The following FAM13B variants were observed in gnomAD, a reference collection of about 807,000 sequenced individuals.
FAM13B encodes protein FAM13B.
A neutral mutation model predicts 117.3 loss-of-function variants in FAM13B; 60 were observed. The ratio of observed to expected loss-of-function variants is 0.51; its 90% CI spans 0.42 to 0.63. The LOEUF (loss-of-function observed/expected upper bound fraction) is 0.63, where lower values mean the gene tolerates loss of function less well. Among genes scored for constraint, FAM13B ranks in the 30% least tolerant of loss-of-function variants. The pLI, the probability that FAM13B is intolerant of heterozygous loss-of-function variation, is 0.00. For synonymous variants in FAM13B, 332 were observed against 356.1 expected (o/e 0.93, Z 0.76); for missense variants, 972 against 1,091.9 (o/e 0.89, Z 1.55).
rs1366725188 is a variant in FAM13B at position 137,939,621 on chromosome 5, G to T, written c.*604C>A. ...TCTTCATCCGGGAGCTGTGTGACCA[G>T]CGAATTGCAAAATTTTACTAACATA... On this transcript the variant is annotated 3_prime_UTR_variant, in exon 24 of 24. Coordinates refer to ENST00000689681, the MANE Select transcript of FAM13B (RefSeq NM_001385994.1). The T allele has an allele frequency of 1.2e-5, 2 of 165,130 alleles. No homozygotes were observed. The highest frequency in any genetic ancestry group is 2.6e-5 in the Non-Finnish European group (2 of 76,498). 10.2% of individuals were successfully genotyped at this position (165,130 alleles called of 1,614,324 possible).
intron 1 of FAM13B, among the ~76,000 whole-genome samples, chr5:138,043,748 CT>C (rs1047308486): frequency 1.3e-5 from 2 of 150,112 alleles, no homozygotes; most frequent in Non-Finnish European, 3.0e-5. Flanking sequence ...TCTTTTTTTT[CT>C]TTTTTTAACA....
intron 4 of FAM13B, among the ~76,000 whole-genome samples, chr5:138,012,706 G>A (rs1489229877): frequency 2.6e-5 from 4 of 152,074 alleles, no homozygotes; most frequent in African/African-American, 9.7e-5. Flanking sequence ...AGGTCCTCTC[G>A]AAATGAAGTG....
chr5:138,030,763 G>A (rs1309538420), intron 1 of FAM13B, among the ~76,000 whole-genome samples: 7 of 146,720 alleles, frequency 4.8e-5, no homozygotes, highest in African/African-American at 1.3e-4. Context: ...AGGTGGCAAG[G>A]TGGCTCACAC....
rs779740126 is a variant in FAM13B at position 138,025,304 on chromosome 5, TATATATG to T, written c.-202-4114_-202-4108del. On this transcript the variant is annotated intron_variant, in intron 1 of 23. Transcript: ENST00000689681. ...AAACAAAGCCATATATATATATATA[TATATATG>T]TATTTTTTTTTTTTTTTTTTTTGAG... 1.5e-4 allele frequency among the ~76,000 whole-genome samples: 19 copies of T among 124,662 alleles called. 2 individuals are homozygous for T. Among genetic ancestry groups the T allele is most frequent in the South Asian group, 5.7e-4 (2 of 3,498 alleles). The allele number at this position is 124,662 out of a possible 152,430, so 81.8% of individuals were successfully genotyped here.
chr5:137,949,195 G>A lies in FAM13B; in HGVS notation c.1931-11C>T, dbSNP rs1479045601. 6.2e-7 allele frequency: 1 copy of A among 1,602,482 alleles called. No individual in the cohort carries two copies. The highest frequency in any genetic ancestry group is 8.5e-7 in the Non-Finnish European group (1 of 1,169,710). ...TTTTGTGTTTTGCATCTACATGTCA[G>A]AAATAAGGACAGATCAGTAATAATT... On this transcript the variant is annotated splice_polypyrimidine_tract_variant and intron_variant, in intron 17 of 23. Transcript: ENST00000689681.
intron 1 of FAM13B, among the ~76,000 whole-genome samples, chr5:138,045,426 C>G (rs1427428101): frequency 6.6e-6 from 1 of 151,790 alleles, no homozygotes; most frequent in Admixed American, 6.6e-5. Flanking sequence ...CGCAGCTACT[C>G]AGGAGGCTGA....
chr5:138,011,565 A>T (rs1373493747), intron 5 of FAM13B, among the ~76,000 whole-genome samples: 1 of 151,820 alleles, frequency 6.6e-6, no homozygotes, highest in Non-Finnish European at 1.5e-5. Context: ...GACTACAGGC[A>T]CCCGCCACCA....
chr5:137,998,335 G>A (rs758923674), intron 7 of FAM13B, among the ~76,000 whole-genome samples: 2 of 152,072 alleles, frequency 1.3e-5, no homozygotes, highest in Non-Finnish European at 2.9e-5. Flanking sequence ...TTTAAAAAGG[G>A]GCCAGTCCGT....
At chr5:137,940,391 G>A (rs753796582) in intron 23 of FAM13B, 43 bp from the exon 24 acceptor site, 3 of 1,438,720 alleles carry the variant, frequency 2.1e-6, no homozygotes, top group Non-Finnish European at 2.8e-6. Flanking sequence ...GAGATCATTT[G>A]GAAAAAAAGA....
intron 10 of FAM13B, among the ~76,000 whole-genome samples, chr5:137,963,122 A>T (rs114892273): frequency 0.011 from 1,733 of 152,328 alleles, 28 homozygotes; most frequent in African/African-American, 0.04. Context: ...TCTTCTTTAG[A>T]AAGTAAGTAC....
chr5:138,041,228 T>C (rs951827326), intron 1 of FAM13B, among the ~76,000 whole-genome samples: 3 of 152,144 alleles, frequency 2.0e-5, no homozygotes, highest in African/African-American at 7.2e-5. Context: ...AGATCCAAAA[T>C]GCGAGAAGTA....
At chr5:137,946,342 C>CAAAAAAA in intron 18 of FAM13B, 31 bp from the exon 19 acceptor site, 4 of 919,176 alleles carry the variant, frequency 4.4e-6, no homozygotes, top group Non-Finnish European at 4.5e-6. Flanking sequence ...TAACAAAATA[C>CAAAAAAA]AAAAAAAAAA....
intron 1 of FAM13B, among the ~76,000 whole-genome samples, chr5:138,043,597 G>A (rs1005472963): frequency 3.3e-5 from 5 of 151,472 alleles, no homozygotes; most frequent in African/African-American, 9.7e-5. Context: ...ACGCCACCAC[G>A]CCCGGCTGAT....
At chr5:137,947,973 T>C (rs1028642807) in intron 18 of FAM13B, among the ~76,000 whole-genome samples, 2 of 152,082 alleles carry the variant, frequency 1.3e-5, no homozygotes, top group African/African-American at 4.8e-5. Flanking sequence ...AAAGAAAGAC[T>C]CCAATATTTG....
chr5:138,022,692 T>G (rs1367448537), intron 1 of FAM13B, among the ~76,000 whole-genome samples: 1 of 152,198 alleles, frequency 6.6e-6, no homozygotes, highest in Non-Finnish European at 1.5e-5. Flanking sequence ...GATATCCTCA[T>G]GACATAAAGG....
intron 1 of FAM13B, among the ~76,000 whole-genome samples, chr5:138,032,010 C>T (rs1357815540): frequency 6.6e-6 from 1 of 152,150 alleles, no homozygotes; most frequent in African/African-American, 2.4e-5. Context: ...AAATGCCCAA[C>T]TTTTTTCACT....
At chr5:138,046,510 T>C (rs1791645160) in intron 1 of FAM13B, among the ~76,000 whole-genome samples, 2 of 152,226 alleles carry the variant, frequency 1.3e-5, no homozygotes. Flanking sequence ...GAATTTTTCT[T>C]TTTGTGCATT....
At chr5:137,995,514 T>C (rs1040297990) in intron 7 of FAM13B, among the ~76,000 whole-genome samples, 1 of 152,218 alleles carries the variant, frequency 6.6e-6, no homozygotes, top group African/African-American at 2.4e-5. Flanking sequence ...AGTCTAAAAA[T>C]TGGATAGCTT....
At position 138,018,942 on chromosome 5, in the gene FAM13B, AG is replaced by A; in HGVS notation, c.157+12del. On this transcript the variant is annotated intron_variant, in intron 3 of 23. Transcript: ENST00000689681. The stretch of plus-strand genomic sequence containing the variant: ...AAAACAAAAGCTAGCCCTCAAAGTA[AG>A]GAAATGTATACCATGTTCCTCAATA... 1.3e-6 allele frequency: 2 copies of A among 1,589,734 alleles called. No homozygotes were observed. Among genetic ancestry groups the A allele is most frequent in the Non-Finnish European group, 1.7e-6 (2 of 1,165,734 alleles).
Sources: allele counts gnomAD v4.1 joint callset (sites outside exome capture counted in the v4.1 genomes callset), GRCh38; gene constraint gnomAD v4.1.1; transcripts MANE v1.5; gene names NCBI Gene and HGNC (gene_info 2026-07-23, HGNC 2026-07-21).